Variants in PLEKHA5 observed in about 807,000 individuals in gnomAD.
PLEKHA5 encodes the protein pleckstrin homology domain containing A5.
PLEKHA5 carries 55 observed loss-of-function variants against 181.9 expected under a neutral mutation model. The ratio of observed to expected loss-of-function variants is 0.30; its 90% CI spans 0.24 to 0.38. PLEKHA5 has a LOEUF of 0.38. Among genes scored for constraint, PLEKHA5 ranks in the 10% least tolerant of loss-of-function variants. The pLI is 1.00. For synonymous variants in PLEKHA5, 535 were observed against 529.4 expected (o/e 1.01, Z -0.15); for missense variants, 1,432 against 1,549.5 (o/e 0.92, Z 1.27).
intron 11 of PLEKHA5, among the ~76,000 whole-genome samples, chr12:19,280,189 G>A (rs1268324940): frequency 6.6e-6 from 1 of 151,268 alleles, no homozygotes; most frequent in East Asian, 1.9e-4. Context: ...AGCTGGGAGT[G>A]CAGGAGCATG....
At position 19,265,894 on chromosome 12, in the gene PLEKHA5, G is replaced by A. The variant is rs202053051; in HGVS notation, c.711+44G>A. On this transcript the variant is annotated intron_variant, in intron 8 of 31. Transcript: ENST00000429027. ...TTTTAATTCTGTGTTCAAAACTTGC[G>A]TTGGTTAAAATGGATATTGAGCCAT... 5.0e-4 allele frequency: 550 copies of A among 1,089,686 alleles called. 1 individual carries two copies. Among genetic ancestry groups the A allele is most frequent in the Middle Eastern group, 2.1e-3 (10 of 4,696 alleles). The allele number at this position is 1,089,686 out of a possible 1,614,324, so 67.5% of individuals were successfully genotyped here. A position where few individuals can be genotyped will look rare whatever the true frequency, so the allele number is the denominator to read the frequency against.
intron 20 of PLEKHA5, among the ~76,000 whole-genome samples, chr12:19,331,484 C>T (rs553055661): frequency 7.4e-4 from 112 of 152,150 alleles, no homozygotes; most frequent in African/African-American, 2.6e-3. Context: ...GGATTACAGG[C>T]GTAAGCCACC....
chr12:19,250,605 A>G (rs1013500155), intron 3 of PLEKHA5, among the ~76,000 whole-genome samples: 2 of 151,536 alleles, frequency 1.3e-5, no homozygotes, highest in African/African-American at 4.8e-5. Context: ...ATAATAAAAT[A>G]AAAAAAAATA....
Position 19,201,914 on chromosome 12 carries a change from A to G in PLEKHA5, c.228-52026A>G, listed in dbSNP as rs139250097. 7.7e-5 allele frequency: 19 copies of G among 247,078 alleles called. No individual in the cohort carries two copies. The East Asian group carries it at 3.4e-3, about 45-fold the overall frequency. The allele number at this position is 247,078 out of a possible 1,614,324, so 15.3% of individuals were successfully genotyped here. A position where few individuals can be genotyped will look rare whatever the true frequency, so the allele number is the denominator to read the frequency against. ...TGCACAACTCTGTAAATTCACTAAAAGTCACTGAACTGTACACTTAACCAT... is the reference window on the plus strand; with the variant it reads ...TGCACAACTCTGTAAATTCACTAAAGGTCACTGAACTGTACACTTAACCAT... On this transcript the variant is annotated intron_variant, in intron 3 of 31. Coordinates refer to ENST00000429027, the MANE Select transcript of PLEKHA5 (RefSeq NM_001256470.2).
chr12:19,222,858 CG>C (rs2059169550), intron 3 of PLEKHA5, among the ~76,000 whole-genome samples: 1 of 152,030 alleles, frequency 6.6e-6, no homozygotes. Flanking sequence ...CACCACACTT[CG>C]GGGGGTAGCT....
intron 3 of PLEKHA5, among the ~76,000 whole-genome samples, chr12:19,231,567 CATATAT>C (rs572424861): frequency 7.0e-6 from 1 of 143,094 alleles, no homozygotes; most frequent in African/African-American, 2.6e-5. Flanking sequence ...TATATGTACA[CATATAT>C]ATGTATATAT....
rs796411790 is a variant in PLEKHA5 at position 19,161,217 on chromosome 12, C to G, written c.227+28767C>G. Among the ~76,000 whole-genome samples, 10 of 152,156 alleles carry G rather than the reference C, an allele frequency of 6.6e-5. 1 individual carries two copies. Among genetic ancestry groups the G allele is most frequent in the African/African-American group, 2.2e-4 (9 of 41,522 alleles). ...ACTTCATGTATTTTTTTTCCCCACT[C>G]TTTACTTCCATTATTTTAAAGGAAG... is the stretch of plus-strand genomic sequence containing the variant. On this transcript the variant is annotated intron_variant, in intron 3 of 31. Transcript: ENST00000429027.
chr12:19,292,050 G>A (rs1017883611), intron 15 of PLEKHA5, among the ~76,000 whole-genome samples: 1 of 152,208 alleles, frequency 6.6e-6, no homozygotes, highest in Non-Finnish European at 1.5e-5. Context: ...GAATTGTCTT[G>A]TTGGAAGGCA....
At chr12:19,334,223 C>T (rs1400729262) in intron 20 of PLEKHA5, among the ~76,000 whole-genome samples, 1 of 152,102 alleles carries the variant, frequency 6.6e-6, no homozygotes, top group African/African-American at 2.4e-5. Context: ...ACCTGGTAAT[C>T]ATGTTTGAGG....
intron 31 of PLEKHA5, among the ~76,000 whole-genome samples, chr12:19,370,251 A>T (rs2095541707): frequency 6.6e-6 from 1 of 152,226 alleles, no homozygotes; most frequent in African/African-American, 2.4e-5. Context: ...AGCCAACTTG[A>T]TGGAATATTA....
chr12:19,197,356 A>G (rs1361069686), intron 3 of PLEKHA5, among the ~76,000 whole-genome samples: 1 of 152,052 alleles, frequency 6.6e-6, no homozygotes, highest in African/African-American at 2.4e-5. Flanking sequence ...AATGTTATGT[A>G]TTCCTGCCTC....
At chr12:19,270,675 C>T (rs1003169642) in intron 10 of PLEKHA5, among the ~76,000 whole-genome samples, 8 of 152,068 alleles carry the variant, frequency 5.3e-5, no homozygotes, top group Non-Finnish European at 8.8e-5. Context: ...GTATAATGTG[C>T]TTTTTAAAAA....
chr12:19,157,806 T>C (rs1212004313), intron 3 of PLEKHA5, among the ~76,000 whole-genome samples: 1 of 152,174 alleles, frequency 6.6e-6, no homozygotes, highest in African/African-American at 2.4e-5. Context: ...TTTTTATCAA[T>C]TGTGCTTTAT....
chr12:19,279,819 G>A (rs185347376), intron 11 of PLEKHA5, among the ~76,000 whole-genome samples: 1 of 151,856 alleles, frequency 6.6e-6, no homozygotes, highest in Admixed American at 6.6e-5. Context: ...TGGCTGTCTT[G>A]ATTTTTGATC....
intron 7 of PLEKHA5, among the ~76,000 whole-genome samples, chr12:19,264,913 G>A (rs2069805764): frequency 6.6e-6 from 1 of 152,274 alleles, no homozygotes; most frequent in Middle Eastern, 3.4e-3. Flanking sequence ...TAACAATGAA[G>A]TACATATTTC....
intron 28 of PLEKHA5, 119 bp from the exon 29 acceptor site, chr12:19,361,463 G>A (rs543656762): frequency 2.0e-5 from 12 of 611,906 alleles, no homozygotes; most frequent in East Asian, 3.0e-5. Flanking sequence ...GATTACAGGC[G>A]TGAGCCATCA....
At chr12:19,222,486 A>G (rs1201167879) in intron 3 of PLEKHA5, among the ~76,000 whole-genome samples, 2 of 152,088 alleles carry the variant, frequency 1.3e-5, no homozygotes, top group East Asian at 1.9e-4. Flanking sequence ...CCTTTTTGCA[A>G]TGTATACTCA....
intron 3 of PLEKHA5, among the ~76,000 whole-genome samples, chr12:19,234,055 G>T (rs769196781): frequency 6.6e-6 from 1 of 152,206 alleles, no homozygotes; most frequent in Non-Finnish European, 1.5e-5. Flanking sequence ...TGTGAGAATT[G>T]CCCTATTTGT....
intron 3 of PLEKHA5, among the ~76,000 whole-genome samples, chr12:19,216,863 C>T (rs987558425): frequency 2.6e-5 from 4 of 152,100 alleles, no homozygotes; most frequent in Non-Finnish European, 4.4e-5. Context: ...CTACTGTTAC[C>T]TCTTAATATG....
Sources: allele counts gnomAD v4.1 joint callset (sites outside exome capture counted in the v4.1 genomes callset), GRCh38; gene constraint gnomAD v4.1.1; transcripts MANE v1.5; gene names NCBI Gene and HGNC (gene_info 2026-07-23, HGNC 2026-07-21).